RIMS2: variants seen among roughly 807,000 people sequenced by gnomAD.
RIMS2 encodes the protein regulating synaptic membrane exocytosis 2.
RIMS2 carries 59 observed loss-of-function variants against 174.4 expected under a neutral mutation model. The observed-to-expected ratio is 0.34, with a 90% CI of 0.27 to 0.42. RIMS2 has a LOEUF of 0.42. RIMS2 is among the 10% of genes least tolerant of loss of function. RIMS2 has a pLI of 1.00. For synonymous variants in RIMS2, 606 were observed against 572.5 expected (o/e 1.06, Z -0.84); for missense variants, 1,620 against 1,666.3 (o/e 0.97, Z 0.48).
chr8:103,939,825 T>C (rs2082121455), intron 13 of RIMS2, among the ~76,000 whole-genome samples: 1 of 152,182 alleles, frequency 6.6e-6, no homozygotes, highest in African/African-American at 2.4e-5. Flanking sequence ...CACAAATCTC[T>C]AGGGCAGGGG....
intron 1 of RIMS2, among the ~76,000 whole-genome samples, chr8:103,669,933 C>T (rs1181797926): frequency 6.6e-6 from 1 of 152,234 alleles, no homozygotes; most frequent in African/African-American, 2.4e-5. Context: ...CTAGGCAGTG[C>T]CCCAGTGTGG....
intron 4 of RIMS2, among the ~76,000 whole-genome samples, chr8:103,889,958 T>G (rs1163935035): frequency 6.6e-6 from 1 of 151,984 alleles, no homozygotes; most frequent in Non-Finnish European, 1.5e-5. Flanking sequence ...TATGTGATTT[T>G]GTTCTACCTT....
intron 19 of RIMS2, among the ~76,000 whole-genome samples, chr8:104,198,901 A>C (rs1261446434): frequency 6.6e-6 from 1 of 152,358 alleles, no homozygotes; most frequent in Admixed American, 6.5e-5. Flanking sequence ...ATTTAATACA[A>C]GTTTTACATG....
At chr8:104,116,799 A>G (rs2098284230) in intron 19 of RIMS2, among the ~76,000 whole-genome samples, 1 of 152,108 alleles carries the variant, frequency 6.6e-6, no homozygotes, top group African/African-American at 2.4e-5. Context: ...AAAAAAACAT[A>G]TTTCTTTATC....
At chr8:103,752,232 C>G (rs372772822) in intron 2 of RIMS2, among the ~76,000 whole-genome samples, 18 of 151,968 alleles carry the variant, frequency 1.2e-4, no homozygotes, top group Non-Finnish European at 2.4e-4. Flanking sequence ...GCTTGTTTTT[C>G]TCAGGTATGT....
intron 1 of RIMS2, among the ~76,000 whole-genome samples, chr8:103,621,567 T>C (rs1461585111): frequency 1.3e-5 from 2 of 152,236 alleles, no homozygotes; most frequent in Admixed American, 1.3e-4. Context: ...ATAAAGTTCA[T>C]TGATTTCTTT....
intron 2 of RIMS2, among the ~76,000 whole-genome samples, chr8:103,737,175 C>CTTTTTTTTTTTTTTTTTTTTTTT (rs554949027): frequency 3.9e-4 from 26 of 67,528 alleles, no homozygotes; most frequent in East Asian, 5.1e-4. Context: ...TTTCTTTGTT[C>CTTTTTTTTTTTTTTTTTTTTTTT]TTTTTTTTTT....
chr8:103,662,525 G>A (rs938947514), intron 1 of RIMS2, among the ~76,000 whole-genome samples: 1 of 152,012 alleles, frequency 6.6e-6, no homozygotes, highest in African/African-American at 2.4e-5. Flanking sequence ...CAAGCAGAAA[G>A]CAGTTACAGG....
intron 17 of RIMS2, among the ~76,000 whole-genome samples, chr8:104,003,333 A>C (rs1281899995): frequency 1.3e-5 from 2 of 152,184 alleles, no homozygotes; most frequent in Non-Finnish European, 2.9e-5. Flanking sequence ...ATCGTATTTT[A>C]GAATTGTTGT....
chr8:103,598,094 C>T (rs1588605074), intron 1 of RIMS2, among the ~76,000 whole-genome samples: 1 of 152,080 alleles, frequency 6.6e-6, no homozygotes, highest in African/African-American at 2.4e-5. Context: ...TTATTTGGAT[C>T]AACCACTTTA....
At chr8:103,892,375 T>C (rs2154521826) in intron 4 of RIMS2, among the ~76,000 whole-genome samples, 1 of 151,848 alleles carries the variant, frequency 6.6e-6, no homozygotes, top group South Asian at 2.1e-4. Context: ...GCTAATTTTT[T>C]TTATTTTTAT....
chr8:103,610,244 G>A (rs1040802242), intron 1 of RIMS2, among the ~76,000 whole-genome samples: 1 of 152,210 alleles, frequency 6.6e-6, no homozygotes, highest in South Asian at 2.1e-4. Flanking sequence ...TAGAGTGGGA[G>A]GTTTTATAGA....
At position 103,766,204 on chromosome 8, in the gene RIMS2, T is replaced by C. The variant is rs775395701; in HGVS notation, c.388-23T>C. ...TTAACTTTTGGGAACACTAATTTTTTCCCCCTATGTCTTCATGTGCAGGTT... is the reference window on the plus strand; with the variant it reads ...TTAACTTTTGGGAACACTAATTTTTCCCCCCTATGTCTTCATGTGCAGGTT... On this transcript the variant is annotated intron_variant, in intron 2 of 23. Coordinates refer to ENST00000504942, the Ensembl canonical transcript of RIMS2. 2 of 1,523,664 alleles carry C rather than the reference T, an allele frequency of 1.3e-6. 1 individual carries two copies. The highest frequency in any genetic ancestry group is 2.5e-5 in the South Asian group (2 of 80,660). 94.4% of individuals were successfully genotyped at this position (1,523,664 alleles called of 1,614,324 possible). A position where few individuals can be genotyped will look rare whatever the true frequency, so the allele number is the denominator to read the frequency against.
At chr8:104,195,674 C>T (rs1031568290) in intron 19 of RIMS2, among the ~76,000 whole-genome samples, 1 of 152,006 alleles carries the variant, frequency 6.6e-6, no homozygotes, top group African/African-American at 2.4e-5. Context: ...GTCGCCATGC[C>T]TGGCTAATTT....
At chr8:104,202,268 T>G (rs1016411056) in intron 19 of RIMS2, among the ~76,000 whole-genome samples, 2 of 152,190 alleles carry the variant, frequency 1.3e-5, no homozygotes, top group Admixed American at 6.5e-5. Flanking sequence ...CATATTTAAC[T>G]TATGGAAATT....
chr8:103,839,502 C>G (rs2098926973), intron 3 of RIMS2, among the ~76,000 whole-genome samples: 1 of 151,950 alleles, frequency 6.6e-6, no homozygotes, highest in Admixed American at 6.6e-5. Flanking sequence ...GGTTTTCTTA[C>G]TCTTAATGCA....
intron 20 of RIMS2, among the ~76,000 whole-genome samples, chr8:104,245,568 A>G (rs1191026327): frequency 6.6e-6 from 1 of 152,244 alleles, no homozygotes; most frequent in Admixed American, 6.5e-5. Context: ...TTACATAGTT[A>G]TGAAGTAGCT....
At chr8:103,848,881 T>C (rs1458906995) in intron 3 of RIMS2, among the ~76,000 whole-genome samples, 1 of 152,080 alleles carries the variant, frequency 6.6e-6, no homozygotes, top group Non-Finnish European at 1.5e-5. Context: ...CTCTATCTTC[T>C]TTCTAACTTT....
intron 1 of RIMS2, among the ~76,000 whole-genome samples, chr8:103,547,924 A>G (rs774867889): frequency 1.8e-4 from 28 of 152,184 alleles, no homozygotes; most frequent in Admixed American, 3.3e-4. Context: ...AAATGGCTAG[A>G]TTTCTGGAAA....
Sources: allele counts gnomAD v4.1 joint callset (sites outside exome capture counted in the v4.1 genomes callset), GRCh38; gene constraint gnomAD v4.1.1; transcripts MANE v1.5; gene names NCBI Gene and HGNC (gene_info 2026-07-23, HGNC 2026-07-21).